Variants in PCDH15 observed in about 807,000 individuals in gnomAD.
The protein encoded by PCDH15 is protocadherin related 15.
Under a neutral mutation model 178.5 loss-of-function variants are expected in PCDH15, and 129 were observed. The ratio of observed to expected loss-of-function variants is 0.72; its 90% CI spans 0.63 to 0.84. PCDH15 has a LOEUF of 0.84. Among genes scored for constraint, PCDH15 ranks in the 40% least tolerant of loss-of-function variants. The probability of loss-of-function intolerance (pLI) is 0.00; values close to 1 mark genes in which losing one functional copy is unlikely to be tolerated. For missense variants in PCDH15, 2,230 were observed against 2,099.9 expected, an observed-to-expected ratio of 1.06 and a Z score of -1.21; for synonymous variants, 800 against 732.0, an observed-to-expected ratio of 1.09 and a Z score of -1.50.
rs767161632 is a variant in PCDH15 at position 54,918,735 on chromosome 10, G to A, written c.-79-21235C>T. Among the ~76,000 whole-genome samples, 21 of 152,100 alleles carry A rather than the reference G, an allele frequency of 1.4e-4. 1 individual carries two copies. The highest frequency in any genetic ancestry group is 2.5e-4 in the Non-Finnish European group (17 of 67,988). The stretch of plus-strand genomic sequence containing the variant: ...TCAAAACAAATAAAAATACTTGTAT[G>A]TGTAAGTCTATAGAAAGTATATATT... On this transcript the variant is annotated intron_variant, in intron 2 of 5. Transcript: ENST00000458638.
intron 8 of PCDH15, among the ~76,000 whole-genome samples, chr10:54,279,478 G>A (rs2058547184): frequency 6.6e-6 from 1 of 151,648 alleles, no homozygotes; most frequent in Non-Finnish European, 1.5e-5. Context: ...GTTGTGGAAA[G>A]TTTCCGCAGT....
At chr10:53,952,643 T>C (rs1589594700) in intron 23 of PCDH15, among the ~76,000 whole-genome samples, 1 of 151,980 alleles carries the variant, frequency 6.6e-6, no homozygotes, top group Non-Finnish European at 1.5e-5. Flanking sequence ...GAAGGTGGGG[T>C]TTCACCAGAC....
chr10:53,941,665 C>T (rs1900457), intron 23 of PCDH15, among the ~76,000 whole-genome samples: 10,345 of 152,156 alleles, frequency 0.068, 1,013 homozygotes, highest in African/African-American at 0.21. Flanking sequence ...TTCAACTCTT[C>T]TGGGTAAATA....
intron 2 of PCDH15, among the ~76,000 whole-genome samples, chr10:55,372,166 T>C (rs1588963614): frequency 1.3e-5 from 2 of 152,242 alleles, no homozygotes; most frequent in South Asian, 4.1e-4. Context: ...GGAAAATGTA[T>C]AGGGCACATA....
At chr10:55,210,331 C>G (rs988859546) in intron 1 of PCDH15, among the ~76,000 whole-genome samples, 3 of 151,602 alleles carry the variant, frequency 2.0e-5, no homozygotes, top group Non-Finnish European at 4.4e-5. Context: ...AGTTTTTAAC[C>G]CCAGAAAATA....
At chr10:54,670,768 A>G (rs1208264710) in intron 1 of PCDH15, among the ~76,000 whole-genome samples, 1 of 152,092 alleles carries the variant, frequency 6.6e-6, no homozygotes, top group Non-Finnish European at 1.5e-5. Flanking sequence ...CTCAATTAGT[A>G]TTTATTTTAT....
At chr10:54,301,648 C>T (rs1308826241) in intron 8 of PCDH15, among the ~76,000 whole-genome samples, 1 of 152,172 alleles carries the variant, frequency 6.6e-6, no homozygotes, top group Non-Finnish European at 1.5e-5. Context: ...TCCAGCCCCA[C>T]TGACCAGCCA....
chr10:54,257,678 G>T (rs1344198352), intron 8 of PCDH15, among the ~76,000 whole-genome samples: 1 of 151,998 alleles, frequency 6.6e-6, no homozygotes. Flanking sequence ...ACATTTTGTG[G>T]CCTTACATGT....
intron 2 of PCDH15, among the ~76,000 whole-genome samples, chr10:54,956,604 T>G (rs1210258154): frequency 6.6e-6 from 1 of 151,588 alleles, no homozygotes; most frequent in Non-Finnish European, 1.5e-5. Context: ...AATCACGGTA[T>G]ATAAAATTAA....
chr10:54,433,454 C>G (rs961253896), intron 3 of PCDH15, among the ~76,000 whole-genome samples: 19 of 152,150 alleles, frequency 1.2e-4, no homozygotes, highest in African/African-American at 3.9e-4. Context: ...TGAAATAAGC[C>G]AGGCACAGTA....
At chr10:54,869,127 T>G (rs1036292798) in intron 3 of PCDH15, 1 of 152,144 alleles carries the variant, frequency 6.6e-6, no homozygotes, top group South Asian at 2.1e-4. Flanking sequence ...AGTGGATTCA[T>G]GTGAAACCAC....
At chr10:53,827,615 C>A (rs1298652587) in intron 31 of PCDH15, 67 bp from the exon 32 acceptor site, 1 of 1,573,460 alleles carries the variant, frequency 6.4e-7, no homozygotes, top group Admixed American at 1.7e-5. Context: ...AATAAGCCAC[C>A]TTTTAATAAT....
chr10:54,931,428 T>C (rs1591791380), intron 2 of PCDH15, among the ~76,000 whole-genome samples: 1 of 152,208 alleles, frequency 6.6e-6, no homozygotes, highest in Admixed American at 6.5e-5. Context: ...GAGAGTTTCC[T>C]ACTCCACACT....
chr10:54,421,893 C>CTATATATATATAT (rs1326280013), intron 3 of PCDH15, among the ~76,000 whole-genome samples: 1 of 77,172 alleles, frequency 1.3e-5, no homozygotes, highest in Non-Finnish European at 2.5e-5. Context: ...TACACACACA[C>CTATATATATATAT]ACTATATATA....
In PCDH15 at chr10:54,773,315, A is replaced by G. The variant is rs529071736; in HGVS notation, c.-29+27610T>C. Among the ~76,000 whole-genome samples the G allele has an allele frequency of 1.2e-3, 179 of 152,304 alleles. 1 individual carries two copies. Among genetic ancestry groups the G allele is most frequent in the African/African-American group, 4.1e-3 (170 of 41,578 alleles). ...GATCTAAATGAGTCATAAAATACAA[A>G]TGAATACAAATGCTTAATTCTCCTA... On this transcript the variant is annotated intron_variant, in intron 1 of 37. Coordinates refer to ENST00000644397, the MANE Select transcript of PCDH15 (RefSeq NM_001384140.1).
chr10:55,141,429 T>C (rs1163267572), intron 2 of PCDH15, among the ~76,000 whole-genome samples: 2 of 152,078 alleles, frequency 1.3e-5, no homozygotes, highest in Non-Finnish European at 2.9e-5. Context: ...AGTGACATTT[T>C]AATATTTTCT....
intron 2 of PCDH15, among the ~76,000 whole-genome samples, chr10:55,460,038 A>G: frequency 6.6e-6 from 1 of 151,938 alleles, no homozygotes; most frequent in Middle Eastern, 3.2e-3. Flanking sequence ...CCAGAACAGA[A>G]CCCCACAGAA....
intron 20 of PCDH15, among the ~76,000 whole-genome samples, chr10:54,009,119 G>A (rs772375016): frequency 1.5e-4 from 22 of 151,716 alleles, no homozygotes; most frequent in East Asian, 5.8e-4. Flanking sequence ...TTATTGTCTC[G>A]GGAAAGAGAG....
At chr10:55,190,957 T>C (rs976553965) in intron 1 of PCDH15, among the ~76,000 whole-genome samples, 1 of 151,816 alleles carries the variant, frequency 6.6e-6, no homozygotes, top group African/African-American at 2.4e-5. Flanking sequence ...TTGTATTTAA[T>C]ATATTATTTG....
Sources: gnomAD v4.1 joint callset for allele counts (sites outside exome capture counted in the v4.1 genomes callset) on GRCh38, gnomAD v4.1.1 for gene constraint, MANE v1.5 for transcripts, NCBI Gene and HGNC (gene_info 2026-07-23, HGNC 2026-07-21) for gene names.